RASSF3: variants seen among roughly 807,000 people sequenced by gnomAD.
RASSF3 encodes Ras association domain family member 3.
RASSF3 carries 19 observed loss-of-function variants against 19.9 expected under a neutral mutation model. The observed-to-expected ratio is 0.96, with a 90% confidence interval of 0.67 to 1.40. RASSF3 has a LOEUF of 1.40. Ranked by LOEUF, RASSF3 falls within the 40% of genes most tolerant of loss-of-function variation. The probability of loss-of-function intolerance (pLI) is 0.00; values close to 1 mark genes in which losing one functional copy is unlikely to be tolerated. For missense variants in RASSF3, 306 were observed against 289.8 expected (o/e 1.06, Z -0.41); for synonymous variants, 110 against 104.2 (o/e 1.06, Z -0.34).
chr12:64,593,051 TA>T (rs1210191201), intron 2 of RASSF3, among the ~76,000 whole-genome samples: 1 of 152,102 alleles, frequency 6.6e-6, no homozygotes, highest in South Asian at 2.1e-4. Flanking sequence ...ATTACCTCAT[TA>T]AAAAAATCAA....
At chr12:64,543,437 C>CCCCGTT (rs1592395518), downstream of RASSF3, among the ~76,000 whole-genome samples, 1 of 46,584 alleles carries the variant, frequency 2.1e-5, no homozygotes, top group Non-Finnish European at 4.1e-5. Flanking sequence ...CCGCCCGCCC[C>CCCCGTT]CCCCGTGCCC....
chr12:64,643,927 ATACTT>A (rs1871638126), intron 1 of RASSF3, among the ~76,000 whole-genome samples: 1 of 152,222 alleles, frequency 6.6e-6, no homozygotes, highest in Admixed American at 6.5e-5. Flanking sequence ...AATCGAAAAT[ATACTT>A]TTCATACAAA....
intron 2 of RASSF3, among the ~76,000 whole-genome samples, chr12:64,555,910 C>G (rs1368612932): frequency 6.6e-6 from 1 of 151,998 alleles, no homozygotes; most frequent in Non-Finnish European, 1.5e-5. Flanking sequence ...GAAAAAGTCT[C>G]CCCCTTAAAA....
chr12:64,653,772 T>A (rs1246716890), intron 1 of RASSF3, among the ~76,000 whole-genome samples: 1 of 152,154 alleles, frequency 6.6e-6, no homozygotes, highest in Non-Finnish European at 1.5e-5. Context: ...GGTCTTGAAT[T>A]CTTGGGCCTT....
intron 2 of RASSF3, among the ~76,000 whole-genome samples, chr12:64,553,699 G>C (rs1267627943): frequency 6.6e-6 from 1 of 152,140 alleles, no homozygotes; most frequent in Non-Finnish European, 1.5e-5. Flanking sequence ...TGTCTGGACT[G>C]AGTGCAGTGG....
intron 1 of RASSF3, among the ~76,000 whole-genome samples, chr12:64,630,948 C>T (rs1592431873): frequency 6.6e-6 from 1 of 152,122 alleles, no homozygotes; most frequent in African/African-American, 2.4e-5. Flanking sequence ...GTGAGTAAAT[C>T]TGGGCATGTG....
At chr12:64,641,972 C>T (rs1871551724) in intron 1 of RASSF3, among the ~76,000 whole-genome samples, 1 of 151,992 alleles carries the variant, frequency 6.6e-6, no homozygotes, top group Admixed American at 6.6e-5. Flanking sequence ...GAACTCCCGA[C>T]CTCAGGTGAT....
chr12:64,606,721 G>A (rs756566631), upstream of RASSF3, among the ~76,000 whole-genome samples: 4 of 151,978 alleles, frequency 2.6e-5, no homozygotes, highest in East Asian at 5.8e-4. Flanking sequence ...AGGCTGAGGC[G>A]GGAGGATCGC....
chr12:64,668,232 C>G (rs1319717319), intron 1 of RASSF3, among the ~76,000 whole-genome samples: 1 of 151,494 alleles, frequency 6.6e-6, no homozygotes, highest in African/African-American at 2.4e-5. Flanking sequence ...GGGGCACTTT[C>G]CTCTATCAAA....
intron 2 of RASSF3, among the ~76,000 whole-genome samples, chr12:64,564,693 A>G (rs1038273671): frequency 6.6e-6 from 1 of 151,920 alleles, no homozygotes; most frequent in Non-Finnish European, 1.5e-5. Flanking sequence ...TCCCTAACAC[A>G]TTTCTACAAG....
intron 1 of RASSF3, chr12:64,622,555 ATTAC>A (rs751755241): frequency 7.5e-5 from 39 of 518,176 alleles, no homozygotes; most frequent in Admixed American, 3.5e-4. Context: ...GGTTTTTGCC[ATTAC>A]TTTCAGTAGC....
In RASSF3 at chr12:64,508,513, G is replaced by A. The variant is rs531050400; in HGVS notation, c.169+1184G>A. ...GCCTGGGCAACAAGAGCTAAACTTC[G>A]TCTCAAAAAAAAAACAAAAAACAGA... On this transcript the variant is annotated intron_variant, in intron 1 of 5. Coordinates refer to the RASSF3 transcript ENST00000637125. Among the ~76,000 whole-genome samples the A allele has an allele frequency of 9.9e-3, 1,388 of 139,662 alleles. 16 individuals are homozygous for A. The highest frequency in any genetic ancestry group is 0.014 in the Non-Finnish European group (907 of 64,900). The allele number at this position is 139,662 out of a possible 152,430, so 91.6% of individuals were successfully genotyped here. A position where few individuals can be genotyped will look rare whatever the true frequency, so the allele number is the denominator to read the frequency against.
chr12:64,602,115 A>G (rs1451403335), intron 2 of RASSF3, among the ~76,000 whole-genome samples: 1 of 148,382 alleles, frequency 6.7e-6, no homozygotes, highest in African/African-American at 2.5e-5. Flanking sequence ...ACTTCGTCTC[A>G]GAAAAAAAAA....
At position 64,688,410 on chromosome 12, in the gene RASSF3, TGC is replaced by T; in HGVS notation, c.415_416del (p.Ala139GlnfsTer6). 6.2e-7 allele frequency: 1 copy of T among 1,614,204 alleles called. No individual in the cohort carries two copies. The highest frequency in any genetic ancestry group is 8.5e-7 in the Non-Finnish European group (1 of 1,180,030). On this transcript the variant is annotated frameshift_variant, in exon 3 of 5. Transcript: ENST00000542104. LOFTEE classifies it high-confidence loss of function. Reference protein sequence around the residue: ...LKKFLVTESPAKFALYKRCHR... With the variant: ...LKKFLVTESPXKFALYKRCHR... ...AAAAGTTTCTCGTGACTGAGAGCCCTGCCAAGTTTGCACTTTATAAGCGTTGT... is the reference window on the plus strand; with the variant it reads ...AAAAGTTTCTCGTGACTGAGAGCCCTCAAGTTTGCACTTTATAAGCGTTGT...
chr12:64,531,276 T>C (rs1868701764), upstream of RASSF3, among the ~76,000 whole-genome samples: 1 of 152,252 alleles, frequency 6.6e-6, no homozygotes, highest in African/African-American at 2.4e-5. Flanking sequence ...AAGATATGAA[T>C]ATCTAATTGT....
intron 1 of RASSF3, among the ~76,000 whole-genome samples, chr12:64,624,533 C>A (rs1870916715): frequency 1.3e-5 from 2 of 151,816 alleles, no homozygotes; most frequent in South Asian, 2.1e-4. Context: ...CCTTGGCCTC[C>A]CAAAGCGCTG....
rs144364511 is a variant in RASSF3 at position 64,586,256 on chromosome 12, G to A, written c.294+44551G>A. 8.2e-3 allele frequency among the ~76,000 whole-genome samples: 1,245 copies of A among 151,520 alleles called. 9 individuals carry two copies. Among genetic ancestry groups the A allele is most frequent in the Admixed American group, 0.017 (257 of 15,224 alleles). On this transcript the variant is annotated intron_variant, in intron 2 of 5. Coordinates refer to the RASSF3 transcript ENST00000637125. Reference sequence around the variant, plus strand: ...GGAGAATTGCTTGAACCCAGGAGGCGGAGGCGGCAGTGAGCCGAGATTGCA... The same window carrying A: ...GGAGAATTGCTTGAACCCAGGAGGCAGAGGCGGCAGTGAGCCGAGATTGCA...
chr12:64,544,449 C>G (rs925197395), downstream of RASSF3, among the ~76,000 whole-genome samples: 6 of 152,104 alleles, frequency 3.9e-5, no homozygotes, highest in African/African-American at 1.4e-4. Flanking sequence ...CTTGAAGTCC[C>G]TGAGACCAAG....
At chr12:64,686,299 G>A (rs1873348359) in intron 2 of RASSF3, among the ~76,000 whole-genome samples, 1 of 151,910 alleles carries the variant, frequency 6.6e-6, no homozygotes, top group Non-Finnish European at 1.5e-5. Context: ...TCAGCATTTT[G>A]GGAGGCTGAG....
Sources: gnomAD v4.1 joint callset for allele counts (sites outside exome capture counted in the v4.1 genomes callset) on GRCh38, gnomAD v4.1.1 for gene constraint, MANE v1.5 for transcripts, NCBI Gene and HGNC (gene_info 2026-07-23, HGNC 2026-07-21) for gene names.